Variants in PABPC4L observed in about 807,000 individuals in gnomAD.
The protein encoded by PABPC4L is poly(A) binding protein cytoplasmic 4 like.
For missense variants in PABPC4L, 452 were observed against 451.4 expected, an observed-to-expected ratio of 1.00 and a Z score of -0.01; for synonymous variants, 169 against 164.1, an observed-to-expected ratio of 1.03 and a Z score of -0.23.
In PABPC4L at chr4:134,199,873, G is replaced by C; in HGVS notation, c.*34C>G. ...GATCACTATCATTCTCCCACCTGCT[G>C]CAGATACTAGCTGGAAAGGTACGTT... On this transcript the variant is annotated 3_prime_UTR_variant, in exon 2 of 2. Coordinates refer to ENST00000421491, the MANE Select transcript of PABPC4L (RefSeq NM_001114734.2). 6.5e-7 allele frequency: 1 copy of C among 1,545,368 alleles called. No individual in the cohort carries two copies. The highest frequency in any genetic ancestry group is 1.2e-5 in the South Asian group (1 of 82,982).
At chr4:134,112,569 A>ACTATCTATCTATCTAT in the PABPC4L span, among the ~76,000 whole-genome samples, 1 of 147,844 alleles carries the variant, frequency 6.8e-6, no homozygotes, top group African/African-American at 2.5e-5. Context: ...GCTCCACGTA[A>ACTATCTATCTATCTAT]CTATCTATCT....
chr4:134,072,074 T>C, the PABPC4L span, among the ~76,000 whole-genome samples: 1 of 152,090 alleles, frequency 6.6e-6, no homozygotes, highest in East Asian at 1.9e-4. Context: ...GCCTGCAAAA[T>C]TAGGATGTCA....
the PABPC4L span, among the ~76,000 whole-genome samples, chr4:134,011,658 T>C: frequency 6.6e-6 from 1 of 152,088 alleles, no homozygotes; most frequent in South Asian, 2.1e-4. Flanking sequence ...ACTAAACAAA[T>C]TTTTATTTAA....
chr4:134,171,042 C>T, the PABPC4L span, among the ~76,000 whole-genome samples: 13 of 151,850 alleles, frequency 8.6e-5, no homozygotes, highest in East Asian at 7.7e-4. Flanking sequence ...TGGTGTGAGA[C>T]GGTATCTCAT....
the PABPC4L span, among the ~76,000 whole-genome samples, chr4:133,957,256 G>C: frequency 3.9e-5 from 6 of 152,068 alleles, no homozygotes; most frequent in African/African-American, 1.4e-4. Flanking sequence ...ATTCCAAATG[G>C]GAGAAATGGG....
chr4:133,997,962 T>C, the PABPC4L span, among the ~76,000 whole-genome samples: 1 of 151,992 alleles, frequency 6.6e-6, no homozygotes, highest in African/African-American at 2.4e-5. Flanking sequence ...TCTTCTCATT[T>C]CCTTTTTAAT....
At chr4:134,136,656 A>T in the PABPC4L span, among the ~76,000 whole-genome samples, 1 of 152,032 alleles carries the variant, frequency 6.6e-6, no homozygotes, top group Non-Finnish European at 1.5e-5. Context: ...GGACATCTGC[A>T]TTCTAGAAAT....
chr4:134,078,071 C>G, the PABPC4L span, among the ~76,000 whole-genome samples: 1 of 152,082 alleles, frequency 6.6e-6, no homozygotes, highest in African/African-American at 2.4e-5. Context: ...CTAAAACAAA[C>G]TATTTGAAAT....
chr4:134,076,786 G>A, the PABPC4L span, among the ~76,000 whole-genome samples: 1 of 152,198 alleles, frequency 6.6e-6, no homozygotes, highest in South Asian at 2.1e-4. Context: ...CATATAGATA[G>A]ATAGATAGAC....
At chr4:134,032,634 G>C in the PABPC4L span, among the ~76,000 whole-genome samples, 3 of 151,730 alleles carry the variant, frequency 2.0e-5, no homozygotes, top group Non-Finnish European at 4.4e-5. Context: ...AAATAGTTTA[G>C]AAAAAGAAGA....
At chr4:134,062,678 A>G in the PABPC4L span, among the ~76,000 whole-genome samples, 8 of 152,260 alleles carry the variant, frequency 5.3e-5, no homozygotes, top group Admixed American at 4.6e-4. Flanking sequence ...AATCAATTTT[A>G]TGATATTTTA....
chr4:134,052,751 A>C, the PABPC4L span, among the ~76,000 whole-genome samples: 4 of 152,106 alleles, frequency 2.6e-5, no homozygotes, highest in African/African-American at 9.7e-5. Flanking sequence ...ATGGGAAAGG[A>C]TACAGTCATC....
chr4:134,075,840 T>C, the PABPC4L span, among the ~76,000 whole-genome samples: 13 of 152,200 alleles, frequency 8.5e-5, no homozygotes, highest in African/African-American at 2.7e-4. Flanking sequence ...TGGGTACTCC[T>C]GGACCATGCC....
chr4:134,114,500 A>T, the PABPC4L span, among the ~76,000 whole-genome samples: 1 of 151,792 alleles, frequency 6.6e-6, no homozygotes, highest in Non-Finnish European at 1.5e-5. Context: ...ACATCTGGCA[A>T]GATTGTACCT....
At chr4:133,970,102 TA>T in the PABPC4L span, among the ~76,000 whole-genome samples, 1 of 147,812 alleles carries the variant, frequency 6.8e-6, no homozygotes, top group African/African-American at 2.4e-5. Flanking sequence ...AATATATATT[TA>T]TTTATATAAA....
At chr4:134,186,778 T>G in the PABPC4L span, among the ~76,000 whole-genome samples, 1 of 152,190 alleles carries the variant, frequency 6.6e-6, no homozygotes, top group Non-Finnish European at 1.5e-5. Flanking sequence ...GGAAAAAATT[T>G]TTGCAATCTA....
the PABPC4L span, among the ~76,000 whole-genome samples, chr4:133,986,654 C>CA: frequency 2.7e-5 from 4 of 150,902 alleles, no homozygotes; most frequent in African/African-American, 9.7e-5. Flanking sequence ...AAGAGAAAAT[C>CA]AAAAAATAAT....
chr4:134,018,566 A>G, the PABPC4L span, among the ~76,000 whole-genome samples: 1 of 152,060 alleles, frequency 6.6e-6, no homozygotes, highest in Non-Finnish European at 1.5e-5. Context: ...TTGTTTTCAT[A>G]TGTACTTTCA....
At chr4:134,172,621 A>T in the PABPC4L span, among the ~76,000 whole-genome samples, 1 of 152,128 alleles carries the variant, frequency 6.6e-6, no homozygotes, top group East Asian at 1.9e-4. Context: ...CATGATGAAG[A>T]TGCCAAAAAC....
Sources: gnomAD v4.1 joint callset for allele counts (sites outside exome capture counted in the v4.1 genomes callset) on GRCh38, gnomAD v4.1.1 for gene constraint, MANE v1.5 for transcripts, NCBI Gene and HGNC (gene_info 2026-07-23, HGNC 2026-07-21) for gene names.